Variants in LRRC3C observed in about 807,000 individuals in gnomAD.
LRRC3C encodes the protein leucine rich repeat containing 3C, also known as leucine-rich repeat-containing protein 3C.
In LRRC3C, 11 loss-of-function variants were observed where a neutral mutation model predicts 14.8. The ratio of observed to expected loss-of-function variants is 0.74; its 90% CI spans 0.47 to 1.23. The LOEUF (loss-of-function observed/expected upper bound fraction) is 1.23. LRRC3C is among the 50% of genes most tolerant of loss of function. The pLI is 0.00. For synonymous variants in LRRC3C, 149 were observed against 161.5 expected (o/e 0.92, Z 0.59); for missense variants, 354 against 361.8 (o/e 0.98, Z 0.18).
At chr17:39,933,695 A>G (rs111561089) in intron 1 of LRRC3C, among the ~76,000 whole-genome samples, 3 of 151,892 alleles carry the variant, frequency 2.0e-5, no homozygotes, top group Non-Finnish European at 1.5e-5. Context: ...ATGGCGCCAC[A>G]GCACTCCAGC....
At chr17:39,942,005 C>T (rs1401787087) in intron 3 of LRRC3C, among the ~76,000 whole-genome samples, 1 of 152,110 alleles carries the variant, frequency 6.6e-6, no homozygotes, top group Non-Finnish European at 1.5e-5. Flanking sequence ...AGGGGATAAG[C>T]CACCATGGGC....
intron 1 of LRRC3C, among the ~76,000 whole-genome samples, chr17:39,934,354 C>G (rs1978738983): frequency 6.6e-6 from 1 of 152,144 alleles, no homozygotes; most frequent in Admixed American, 6.5e-5. Flanking sequence ...ACAGTAAGTT[C>G]AAGACAAGAC....
intron 1 of LRRC3C, chr17:39,928,037 A>T (rs1338348708): frequency 4.3e-6 from 1 of 234,268 alleles, no homozygotes; most frequent in African/African-American, 2.3e-5. Flanking sequence ...CCAGAAACAG[A>T]CTAGCCCGGC....
In LRRC3C at chr17:39,943,081, C is replaced by T. The variant is rs561354160; in HGVS notation, c.27-852C>T. On this transcript the variant is annotated intron_variant, in intron 3 of 3. Transcript: ENST00000377924. The stretch of plus-strand genomic sequence containing the variant: ...AGTTCATCAGGGTCCAGGATCTGCC[C>T]TCTCTTGGCATTGCCTGGCCACACC... Among the ~76,000 whole-genome samples, 29 of 152,338 alleles carry T rather than the reference C, an allele frequency of 1.9e-4. No individual in the cohort carries two copies. The South Asian group carries it at 5.6e-3, about 29-fold the overall frequency.
At chr17:39,939,325 C>G (rs1182944314) in intron 2 of LRRC3C, 2 of 983,324 alleles carry the variant, frequency 2.0e-6, no homozygotes, top group Admixed American at 6.1e-5. Flanking sequence ...TATTCTCTCT[C>G]TGTGCTTCAC....
intron 1 of LRRC3C, among the ~76,000 whole-genome samples, chr17:39,930,108 G>A (rs557261599): frequency 1.3e-4 from 20 of 151,430 alleles, no homozygotes; most frequent in East Asian, 3.9e-4. Flanking sequence ...GTAAAACCCC[G>A]TGGTCTACAA....
chr17:39,934,203 C>T (rs769964082), intron 1 of LRRC3C, among the ~76,000 whole-genome samples: 1 of 152,214 alleles, frequency 6.6e-6, no homozygotes, highest in Non-Finnish European at 1.5e-5. Flanking sequence ...AAGAACCTCC[C>T]TGGGGAACCA....
intron 1 of LRRC3C, among the ~76,000 whole-genome samples, chr17:39,929,935 G>A (rs530900762): frequency 1.3e-5 from 2 of 152,222 alleles, no homozygotes; most frequent in African/African-American, 4.8e-5. Flanking sequence ...ACATTCCCCA[G>A]GGATATAGTC....
chr17:39,929,684 C>A (rs1392592531), intron 1 of LRRC3C, among the ~76,000 whole-genome samples: 2 of 152,108 alleles, frequency 1.3e-5, no homozygotes, highest in African/African-American at 4.8e-5. Context: ...CTTTTGGTAG[C>A]ATATTCTAAG....
rs568620107 is a variant in LRRC3C, at chr17:39,943,301, CA to C, written c.27-631del. Among the ~76,000 whole-genome samples, 820 of 152,196 alleles carry C rather than the reference CA, an allele frequency of 5.4e-3. 10 individuals carry two copies. Among genetic ancestry groups the C allele is most frequent in the African/African-American group, 0.019 (796 of 41,500 alleles). The stretch of plus-strand genomic sequence containing the variant: ...GCACTGGAGAAGGCTCTGCCACCAA[CA>C]GGGGTGAGAGGAATGGAGGAGGACG... On this transcript the variant is annotated intron_variant, in intron 3 of 3. Coordinates refer to ENST00000377924, the MANE Select transcript of LRRC3C (RefSeq NM_001195545.2).
intron 2 of LRRC3C, among the ~76,000 whole-genome samples, chr17:39,940,442 G>T (rs567418769): frequency 6.6e-6 from 1 of 151,960 alleles, no homozygotes; most frequent in African/African-American, 2.4e-5. Flanking sequence ...AGACAGAGTC[G>T]CACTCTGTCA....
chr17:39,942,239 C>A (rs1978959956), intron 3 of LRRC3C, among the ~76,000 whole-genome samples: 1 of 152,308 alleles, frequency 6.6e-6, no homozygotes, highest in African/African-American at 2.4e-5. Context: ...GCGGGTCCTC[C>A]CAACCCTGCA....
At position 39,944,582 on chromosome 17, in the gene LRRC3C, C is replaced by G; in HGVS notation, c.676C>G (p.Leu226Val). 2.0e-6 allele frequency: 3 copies of G among 1,534,396 alleles called. No individual in the cohort carries two copies. Among genetic ancestry groups the G allele is most frequent in the Non-Finnish European group, 2.6e-6 (3 of 1,146,076 alleles). Reference sequence around the variant, plus strand: ...CCGGAGGAGCACCGATGTGGCCCTGCTGGTCACCATGGGGGGCTGGCTGAC... The same window carrying G: ...CCGGAGGAGCACCGATGTGGCCCTGGTGGTCACCATGGGGGGCTGGCTGAC... ...GARRSTDVAL[L>V]VTMGGWLTLM... The change falls in exon 4 of 4, where the codon CTG (leucine) becomes GTG (valine). Residue 226 changes from leucine (L) to valine (V), a missense_variant. Coordinates refer to ENST00000377924, the MANE Select transcript of LRRC3C (RefSeq NM_001195545.2).
intron 3 of LRRC3C, among the ~76,000 whole-genome samples, chr17:39,942,768 G>A (rs1217796822): frequency 1.3e-5 from 2 of 152,200 alleles, no homozygotes; most frequent in Non-Finnish European, 2.9e-5. Context: ...CACCGAGCAT[G>A]GAAGAATGTG....
intron 2 of LRRC3C, among the ~76,000 whole-genome samples, chr17:39,937,162 G>T (rs754777735): frequency 2.7e-5 from 4 of 149,094 alleles, no homozygotes; most frequent in Non-Finnish European, 5.9e-5. Flanking sequence ...TAGGCCGGGC[G>T]CAGTGGCTCA....
intron 1 of LRRC3C, among the ~76,000 whole-genome samples, chr17:39,931,445 CAAAA>C (rs58318948): frequency 2.7e-5 from 2 of 74,960 alleles, no homozygotes; most frequent in Non-Finnish European, 5.0e-5. Context: ...GACTTCGTCT[CAAAA>C]AAAAAAAAAA....
intron 1 of LRRC3C, chr17:39,934,702 T>A (rs1246295988): frequency 6.6e-6 from 1 of 152,170 alleles, no homozygotes; most frequent in East Asian, 1.9e-4. Context: ...GGTTCTTGGA[T>A]CTCACGCAAG....
At chr17:39,930,077 G>T (rs568732114) in intron 1 of LRRC3C, among the ~76,000 whole-genome samples, 1 of 151,730 alleles carries the variant, frequency 6.6e-6, no homozygotes, top group Non-Finnish European at 1.5e-5. Context: ...CCAGGAGTTC[G>T]AGACCAACCT....
chr17:39,932,991 G>A (rs1426785442), intron 1 of LRRC3C, among the ~76,000 whole-genome samples: 2 of 152,080 alleles, frequency 1.3e-5, no homozygotes, highest in Non-Finnish European at 2.9e-5. Context: ...GGCGGAGGCT[G>A]CAGAGAGCAG....
Sources: gnomAD v4.1 joint callset for allele counts (sites outside exome capture counted in the v4.1 genomes callset) on GRCh38, gnomAD v4.1.1 for gene constraint, MANE v1.5 for transcripts, NCBI Gene and HGNC (gene_info 2026-07-23, HGNC 2026-07-21) for gene names.